Variants in NOVA2 observed in about 807,000 individuals in gnomAD.
NOVA2 encodes NOVA alternative splicing regulator 2.
NOVA2 carries 9 observed loss-of-function variants against 22.5 expected under a neutral mutation model. The ratio of observed to expected loss-of-function variants is 0.40; its 90% CI spans 0.24 to 0.70. The LOEUF is 0.70. Among genes scored for constraint, NOVA2 ranks in the 30% least tolerant of loss-of-function variants. NOVA2 has a pLI of 0.38. For synonymous variants in NOVA2, 318 were observed against 335.2 expected (o/e 0.95, Z 0.56); for missense variants, 383 against 682.8 (o/e 0.56, Z 4.89).
intron 1 of NOVA2, among the ~76,000 whole-genome samples, chr19:45,968,169 C>A (rs1311843582): frequency 6.6e-6 from 1 of 151,966 alleles, no homozygotes; most frequent in Non-Finnish European, 1.5e-5. Flanking sequence ...CCAGATGCAA[C>A]ATCAATGTTG....
At chr19:45,964,183 T>C (rs896193442) in intron 1 of NOVA2, among the ~76,000 whole-genome samples, 18 of 122,334 alleles carry the variant, frequency 1.5e-4, no homozygotes, top group African/African-American at 7.0e-4. Context: ...CTTTTTCTTT[T>C]TTTTTTTTTT....
At chr19:45,948,935 G>A (rs1290904624) in intron 3 of NOVA2, among the ~76,000 whole-genome samples, 1 of 152,114 alleles carries the variant, frequency 6.6e-6, no homozygotes, top group Non-Finnish European at 1.5e-5. Flanking sequence ...TGCATACAAT[G>A]AAACATTATT....
Position 45,961,003 on chromosome 19 carries a change from G to T in NOVA2, c.229+7C>A. On this transcript the variant is annotated splice_region_variant and intron_variant, in intron 2 of 3. Coordinates refer to ENST00000263257, the MANE Select transcript of NOVA2 (RefSeq NM_002516.4). The stretch of plus-strand genomic sequence containing the variant: ...GGCCTAGGGCAGAGACCTGGGCCGG[G>T]GCTCACCGGGGTAGAAGTCTTTGGA... The T allele has an allele frequency of 6.4e-7, 1 of 1,569,938 alleles. No homozygotes were observed. Among genetic ancestry groups the T allele is most frequent in the South Asian group, 1.2e-5 (1 of 85,434 alleles).
In NOVA2 at chr19:45,939,800, A is replaced by G. The variant is rs1162888803; in HGVS notation, c.*63T>C. The G allele has an allele frequency of 2.5e-6, 4 of 1,577,588 alleles. No homozygotes were observed. Among genetic ancestry groups the G allele is most frequent in the African/African-American group, 2.7e-5 (2 of 73,746 alleles). On this transcript the variant is annotated 3_prime_UTR_variant, in exon 4 of 4. Transcript: ENST00000263257. Reference sequence around the variant, plus strand: ...AAGCTGAGGTCAGGAGTTGGGGGGGAGGAGGAGAGGGAAGAGGAGGAGATG... The same window carrying G: ...AAGCTGAGGTCAGGAGTTGGGGGGGGGGAGGAGAGGGAAGAGGAGGAGATG...
intron 3 of NOVA2, among the ~76,000 whole-genome samples, chr19:45,947,391 A>G (rs1967857151): frequency 1.3e-5 from 2 of 151,656 alleles, no homozygotes; most frequent in African/African-American, 4.8e-5. Flanking sequence ...GTACTATGCA[A>G]TTGGGCAGCC....
chr19:45,965,628 G>A (rs1291800721), intron 1 of NOVA2, among the ~76,000 whole-genome samples: 1 of 152,156 alleles, frequency 6.6e-6, no homozygotes, highest in Non-Finnish European at 1.5e-5. Context: ...TACTCGGGAG[G>A]CTGGGGCAGG....
intron 3 of NOVA2, among the ~76,000 whole-genome samples, chr19:45,948,619 AAAAAGAAAAG>A (rs934146738): frequency 6.6e-6 from 1 of 151,796 alleles, no homozygotes; most frequent in Non-Finnish European, 1.5e-5. Flanking sequence ...AAAAAAAAGA[AAAAAGAAAAG>A]AAAAGAAAAA....
rs1967999914 is a variant in NOVA2 at position 45,955,968 on chromosome 19, A to C, written c.230-2022T>G. Reference sequence around the variant, plus strand: ...ATACCTGGGGTGTGTGTCAGTGTCCAGCAAGCACTTCAGTGCAGCACGCTG... The same window carrying C: ...ATACCTGGGGTGTGTGTCAGTGTCCCGCAAGCACTTCAGTGCAGCACGCTG... On this transcript the variant is annotated intron_variant, in intron 2 of 3. Transcript: ENST00000263257. 4.6e-5 allele frequency among the ~76,000 whole-genome samples: 7 copies of C among 152,266 alleles called. No homozygotes were observed. The South Asian group carries it at 1.5e-3, about 32-fold the overall frequency.
Position 45,935,032 on chromosome 19 carries a change from TGGGGCGG to T in NOVA2, c.*4824_*4830del, listed in dbSNP as rs1342361837. ...TCGATGAGCGAGTCTGACGGTCGAG[TGGGGCGG>T]GCTGGAGCAATGAGGCCGCAGGTCC... On this transcript the variant is annotated 3_prime_UTR_variant, in exon 4 of 4. Transcript: ENST00000263257. 7.0e-6 allele frequency: 1 copy of T among 142,388 alleles called. No homozygotes were observed. The highest frequency in any genetic ancestry group is 2.6e-5 in the African/African-American group (1 of 38,374). 8.8% of individuals were successfully genotyped at this position (142,388 alleles called of 1,614,324 possible).
chr19:45,951,968 A>G (rs1380127099), intron 3 of NOVA2, among the ~76,000 whole-genome samples: 1 of 152,194 alleles, frequency 6.6e-6, no homozygotes, highest in African/African-American at 2.4e-5. Context: ...TAAAGATGGC[A>G]TACCCTCTCC....
chr19:45,946,666 G>A (rs1469474687), intron 3 of NOVA2, among the ~76,000 whole-genome samples: 3 of 152,158 alleles, frequency 2.0e-5, no homozygotes, highest in Non-Finnish European at 4.4e-5. Context: ...GAGGTCAGGA[G>A]ATCGAGACCA....
intron 1 of NOVA2, among the ~76,000 whole-genome samples, chr19:45,961,500 G>C (rs1174853997): frequency 1.3e-5 from 2 of 149,712 alleles, no homozygotes; most frequent in African/African-American, 2.4e-5. Context: ...CAGATGGTGG[G>C]ACTCCTGATG....
chr19:45,949,424 T>C (rs1318786879), intron 3 of NOVA2, among the ~76,000 whole-genome samples: 1 of 151,428 alleles, frequency 6.6e-6, no homozygotes, highest in East Asian at 1.9e-4. Flanking sequence ...ATTTAGTCTG[T>C]GATGCAGTAT....
In NOVA2 at chr19:45,973,217, G is replaced by A. The variant is rs1285854871; in HGVS notation, c.85+50C>T. ...GGGAGGGGGGGAAAGGATGGAGAAAGGCGAGGCCCCCTGCCCGCTCCCCCG... is the reference window on the plus strand; with the variant it reads ...GGGAGGGGGGGAAAGGATGGAGAAAAGCGAGGCCCCCTGCCCGCTCCCCCG... On this transcript the variant is annotated intron_variant, in intron 1 of 3. Transcript: ENST00000263257. 1.8e-5 allele frequency: 20 copies of A among 1,117,678 alleles called. No individual in the cohort carries two copies. In the Admixed American group the frequency reaches 5.4e-4, roughly 30 times the overall value. 69.2% of individuals were successfully genotyped at this position (1,117,678 alleles called of 1,614,324 possible).
At chr19:45,969,802 G>C (rs1442794105) in intron 1 of NOVA2, among the ~76,000 whole-genome samples, 1 of 152,150 alleles carries the variant, frequency 6.6e-6, no homozygotes, top group Non-Finnish European at 1.5e-5. Context: ...CTTCACCCAA[G>C]TCTTCCTGCC....
In NOVA2 at chr19:45,953,863, C is replaced by T; in HGVS notation, c.313G>A (p.Glu105Lys). 6.2e-7 allele frequency: 1 copy of T among 1,614,204 alleles called. No homozygotes were observed. Among genetic ancestry groups the T allele is most frequent in the Non-Finnish European group, 8.5e-7 (1 of 1,180,040 alleles). Reference protein sequence around the residue: ...VHSFIAEKVREIPQAMTKPEV... With the variant: ...VHSFIAEKVRKIPQAMTKPEV... The stretch of plus-strand genomic sequence containing the variant: ...GGCTTGGTCATCGCTTGTGGGATTT[C>T]TCGGACCTTCTCGGCAATAAAGCTG... Residue 105 changes from glutamate to lysine, a missense_variant, in exon 3 of 4, where the codon GAA becomes AAA. Physicochemically the swap from Glu to Lys is moderately conservative, Grantham distance 56 (BLOSUM62 1). This residue lies in a region of NOVA2 where 349 missense variants were observed against 578.1 expected (regional missense o/e 0.60). Coordinates refer to ENST00000263257, the MANE Select transcript of NOVA2 (RefSeq NM_002516.4).
intron 1 of NOVA2, 57 bp from the exon 2 acceptor site, chr19:45,961,210 A>C (rs1483061666): frequency 3.0e-6 from 4 of 1,354,700 alleles, no homozygotes; most frequent in Non-Finnish European, 4.1e-6. Flanking sequence ...TCACCTTTGG[A>C]GGGGGTGAGC....
chr19:45,934,699 T>G lies in NOVA2; in HGVS notation c.*5164A>C, dbSNP rs1967633097. 1 of 151,924 alleles carries G rather than the reference T, an allele frequency of 6.6e-6. No homozygotes were observed. Among genetic ancestry groups the G allele is most frequent in the Non-Finnish European group, 1.5e-5 (1 of 68,024 alleles). 9.4% of individuals were successfully genotyped at this position (151,924 alleles called of 1,614,324 possible). On this transcript the variant is annotated 3_prime_UTR_variant, in exon 4 of 4. Coordinates refer to ENST00000263257, the MANE Select transcript of NOVA2 (RefSeq NM_002516.4). The stretch of plus-strand genomic sequence containing the variant: ...TTACAATGAAGGCGTGGGGAGTGTG[T>G]GGGGGGCACACGAAGGAGGGGGTCA...
intron 1 of NOVA2, chr19:45,967,699 T>C (rs1348195859): frequency 6.6e-6 from 1 of 152,174 alleles, no homozygotes; most frequent in Non-Finnish European, 1.5e-5. Flanking sequence ...CCCAGCACTT[T>C]GGGAGGCCGA....
Sources: allele counts gnomAD v4.1 joint callset (sites outside exome capture counted in the v4.1 genomes callset), GRCh38; gene constraint gnomAD v4.1.1; regional missense constraint gnomAD v4.1.1; transcripts MANE v1.5; gene names NCBI Gene and HGNC (gene_info 2026-07-23, HGNC 2026-07-21).